The following GALNTL6 variants were observed in gnomAD, a reference collection of about 807,000 sequenced individuals.
GALNTL6 encodes the protein polypeptide N-acetylgalactosaminyltransferase-like 6.
In GALNTL6, 46 loss-of-function variants were observed where a neutral mutation model predicts 73.7. The ratio of observed to expected loss-of-function variants is 0.62; its 90% confidence interval spans 0.49 to 0.80. GALNTL6 has a LOEUF of 0.80. Ranked by LOEUF, GALNTL6 falls within the 30% of genes least tolerant of loss-of-function variation. GALNTL6 has a pLI of 0.00. For missense variants in GALNTL6, 604 were observed against 755.0 expected, an observed-to-expected ratio of 0.80 and a Z score of 2.34; for synonymous variants, 259 against 263.7, an observed-to-expected ratio of 0.98 and a Z score of 0.17.
At chr4:172,305,078 A>G (rs1008596666) in intron 3 of GALNTL6, among the ~76,000 whole-genome samples, 27 of 151,988 alleles carry the variant, frequency 1.8e-4, no homozygotes, top group Non-Finnish European at 1.0e-4. Flanking sequence ...AGCTGTTTGG[A>G]TAGGGGTTAT....
chr4:172,114,700 C>T (rs1048235993), intron 2 of GALNTL6, among the ~76,000 whole-genome samples: 2 of 152,000 alleles, frequency 1.3e-5, no homozygotes, highest in Admixed American at 1.3e-4. Flanking sequence ...AAAATGAATG[C>T]TCAGATAATT....
intron 2 of GALNTL6, among the ~76,000 whole-genome samples, chr4:172,040,668 A>G (rs1321146058): frequency 6.6e-6 from 1 of 152,134 alleles, no homozygotes; most frequent in Non-Finnish European, 1.5e-5. Context: ...ACATGAAAAC[A>G]GTATCTTCAA....
chr4:171,868,346 C>A (rs977882979), intron 2 of GALNTL6, among the ~76,000 whole-genome samples: 1 of 150,822 alleles, frequency 6.6e-6, no homozygotes, highest in African/African-American at 2.5e-5. Flanking sequence ...CTGCTCCTTA[C>A]CCTACGATTT....
intron 2 of GALNTL6, among the ~76,000 whole-genome samples, chr4:172,163,118 C>T (rs1734523461): frequency 6.6e-6 from 1 of 151,998 alleles, no homozygotes; most frequent in Non-Finnish European, 1.5e-5. Context: ...ACTTTACTAA[C>T]ATTGTAGATT....
In GALNTL6 at chr4:172,262,604, A is replaced by G. The variant is rs746252581; in HGVS notation, c.247+32840A>G. On this transcript the variant is annotated intron_variant, in intron 3 of 12. Transcript: ENST00000506823. ...CCATTCTGTATCTTTTAAATGGAGC[A>G]TTTAGGCCATTTACCTTCAGTGTTA... Among the ~76,000 whole-genome samples, 6 of 151,618 alleles carry G rather than the reference A, an allele frequency of 4.0e-5. No homozygotes were observed. In the Admixed American group the frequency reaches 4.0e-4, roughly 10 times the overall value.
intron 2 of GALNTL6, among the ~76,000 whole-genome samples, chr4:172,217,356 A>G (rs544099305): frequency 3.9e-5 from 6 of 152,324 alleles, no homozygotes; most frequent in Non-Finnish European, 5.9e-5. Context: ...ATAGGGTTCA[A>G]TAAACCCATC....
chr4:172,699,126 G>A (rs976011080), intron 5 of GALNTL6, among the ~76,000 whole-genome samples: 1 of 152,028 alleles, frequency 6.6e-6, no homozygotes, highest in Non-Finnish European at 1.5e-5. Context: ...GCTCTCTGGG[G>A]ACTCCTTCAT....
At chr4:172,970,331 T>TC (rs1197830865) in intron 10 of GALNTL6, among the ~76,000 whole-genome samples, 1 of 152,106 alleles carries the variant, frequency 6.6e-6, no homozygotes, top group East Asian at 1.9e-4. Flanking sequence ...CAGGATTTTT[T>TC]CCCCACCCTA....
intron 8 of GALNTL6, among the ~76,000 whole-genome samples, chr4:172,926,107 G>A (rs1402046726): frequency 6.6e-6 from 1 of 152,146 alleles, no homozygotes; most frequent in Non-Finnish European, 1.5e-5. Flanking sequence ...ATATCAGAGT[G>A]CCAGCATTGT....
intron 5 of GALNTL6, among the ~76,000 whole-genome samples, chr4:172,642,127 G>T (rs1244012669): frequency 6.6e-6 from 1 of 151,920 alleles, no homozygotes; most frequent in East Asian, 1.9e-4. Context: ...ACTGTTTGTG[G>T]GAATGTAAAT....
At chr4:172,181,034 T>TATAA in intron 2 of GALNTL6, among the ~76,000 whole-genome samples, 1 of 152,236 alleles carries the variant, frequency 6.6e-6, no homozygotes, top group Non-Finnish European at 1.5e-5. Context: ...GCACTGAATC[T>TATAA]ATAAATTACT....
chr4:172,989,453 T>C (rs762602268), intron 10 of GALNTL6, among the ~76,000 whole-genome samples: 23 of 152,150 alleles, frequency 1.5e-4, no homozygotes, highest in Non-Finnish European at 2.9e-4. Flanking sequence ...ACATGAGATA[T>C]GGGAGGAGCC....
chr4:172,483,002 T>TTA (rs1308955103), intron 5 of GALNTL6, among the ~76,000 whole-genome samples: 1 of 90,632 alleles, frequency 1.1e-5, no homozygotes, highest in Non-Finnish European at 2.6e-5. Context: ...TTAAATGAGT[T>TTA]TATGTATATA....
rs867237293 is a variant in GALNTL6 at position 173,002,790 on chromosome 4, G to A, written c.1372-6388G>A. Among the ~76,000 whole-genome samples the A allele has an allele frequency of 7.2e-3, 425 of 59,218 alleles. 2 individuals carry two copies. Among genetic ancestry groups the A allele is most frequent in the African/African-American group, 0.022 (405 of 18,160 alleles). The allele number at this position is 59,218 out of a possible 152,430, so 38.8% of individuals were successfully genotyped here. On this transcript the variant is annotated intron_variant, in intron 10 of 12. Transcript: ENST00000506823. The stretch of plus-strand genomic sequence containing the variant: ...AGCCTGGGGGACAGAGTGAGACTCC[G>A]TCTCAAAAAAAAAAAAAAAAAAAGA...
intron 5 of GALNTL6, among the ~76,000 whole-genome samples, chr4:172,766,811 G>C (rs1738435986): frequency 6.6e-6 from 1 of 152,194 alleles, no homozygotes; most frequent in African/African-American, 2.4e-5. Context: ...GAAGAGAATA[G>C]TGCCAACGAA....
At chr4:172,456,975 G>T (rs1352207408) in intron 5 of GALNTL6, among the ~76,000 whole-genome samples, 2 of 152,084 alleles carry the variant, frequency 1.3e-5, no homozygotes, top group Non-Finnish European at 2.9e-5. Context: ...ACCCACAAAG[G>T]GAAGCCCATT....
intron 3 of GALNTL6, among the ~76,000 whole-genome samples, chr4:172,248,970 A>G (rs1737754605): frequency 6.6e-6 from 1 of 152,142 alleles, no homozygotes; most frequent in South Asian, 2.1e-4. Context: ...ACAAACTAAT[A>G]CAGTAAATTG....
At chr4:172,810,183 C>T (rs190470121) in intron 6 of GALNTL6, among the ~76,000 whole-genome samples, 2 of 152,252 alleles carry the variant, frequency 1.3e-5, no homozygotes, top group Admixed American at 1.3e-4. Context: ...CTTAAATGCT[C>T]ACAATATGGC....
intron 4 of GALNTL6, among the ~76,000 whole-genome samples, chr4:172,320,448 T>A (rs1428885719): frequency 6.6e-6 from 1 of 152,202 alleles, no homozygotes; most frequent in Non-Finnish European, 1.5e-5. Context: ...CTGACTTCTT[T>A]GCAACGTTGC....
Sources: gnomAD v4.1 joint callset for allele counts (sites outside exome capture counted in the v4.1 genomes callset) on GRCh38, gnomAD v4.1.1 for gene constraint, MANE v1.5 for transcripts, NCBI Gene and HGNC (gene_info 2026-07-23, HGNC 2026-07-21) for gene names.